The following LPL variants were observed in gnomAD, a reference collection of about 807,000 sequenced individuals.
The protein encoded by LPL is lipoprotein lipase, also known as phospholipase A1.
LPL carries 43 observed loss-of-function variants against 52.2 expected under a neutral mutation model. That is an observed-to-expected ratio of 0.82 (90% confidence interval 0.64 to 1.06). The LOEUF (loss-of-function observed/expected upper bound fraction) is 1.06, where lower values mean the gene tolerates loss of function less well. Among genes scored for constraint, LPL ranks in the 50% least tolerant of loss-of-function variants. The pLI, the probability that LPL is intolerant of heterozygous loss-of-function variation, is 0.00. For synonymous variants in LPL, 244 were observed against 215.6 expected (o/e 1.13, Z -1.15); for missense variants, 639 against 585.3 (o/e 1.09, Z -0.95).
intron 6 of LPL, among the ~76,000 whole-genome samples, chr8:19,956,711 C>T (rs1420181022): frequency 6.6e-6 from 1 of 152,174 alleles, no homozygotes; most frequent in Non-Finnish European, 1.5e-5. Context: ...TTGTCAAAGG[C>T]TGGTTTCATG....
chr8:19,954,061 G>A, intron 4 of LPL, 59 bp from the exon 5 acceptor site: 2 of 1,183,710 alleles, frequency 1.7e-6, no homozygotes, highest in South Asian at 1.2e-5. Flanking sequence ...GCAGTGACAT[G>A]CGAATGTCAT....
At chr8:19,945,600 A>T (rs2069876328) in intron 1 of LPL, among the ~76,000 whole-genome samples, 1 of 152,186 alleles carries the variant, frequency 6.6e-6, no homozygotes, top group African/African-American at 2.4e-5. Flanking sequence ...CATACATGCA[A>T]TCTGGTACAG....
At chr8:19,959,867 C>A (rs1383778548) in intron 7 of LPL, among the ~76,000 whole-genome samples, 1 of 141,306 alleles carries the variant, frequency 7.1e-6, no homozygotes, top group Non-Finnish European at 1.5e-5. Flanking sequence ...CAGCTCACTG[C>A]AACCTCTACC....
chr8:19,949,019 T>C (rs1007067504), intron 2 of LPL, among the ~76,000 whole-genome samples: 4 of 152,162 alleles, frequency 2.6e-5, no homozygotes, highest in Admixed American at 6.5e-5. Flanking sequence ...AAATTTACTT[T>C]AAAAAATTGT....
intron 1 of LPL, chr8:19,946,576 T>TG (rs1252753732): frequency 1.9e-5 from 6 of 308,694 alleles, no homozygotes; most frequent in Non-Finnish European, 3.2e-5. Context: ...AATTTTGAGT[T>TG]GAAAAAAAAG....
At position 19,960,993 on chromosome 8, in the gene LPL, G is replaced by A; in HGVS notation, c.1232G>A (p.Ser411Asn). 1.9e-6 allele frequency: 3 copies of A among 1,614,120 alleles called. No individual in the cohort carries two copies. Among genetic ancestry groups the A allele is most frequent in the African/African-American group, 1.3e-5 (1 of 75,060 alleles). Residue 411 changes from serine to asparagine, a missense_variant, in exon 8 of 10, where the codon AGT (serine) becomes AAT (asparagine). Ser to Asn is a conservative substitution (Grantham distance 46). Coordinates refer to ENST00000650287, the MANE Select transcript of LPL (RefSeq NM_000237.3). ...ELLMLKLKWK[S>N]DSYFSWSDWW... ...CTCATGTTGAAGCTCAAATGGAAGAGTGATTCATACTTTAGCTGGTCAGAC... is the reference window on the plus strand; with the variant it reads ...CTCATGTTGAAGCTCAAATGGAAGAATGATTCATACTTTAGCTGGTCAGAC...
chr8:19,958,936 G>C (rs913736759), intron 6 of LPL, among the ~76,000 whole-genome samples: 1 of 152,216 alleles, frequency 6.6e-6, no homozygotes, highest in Non-Finnish European at 1.5e-5. Context: ...CATCATGAGT[G>C]TTTTGGCCTT....
chr8:19,942,256 G>C (rs537077703), intron 1 of LPL, among the ~76,000 whole-genome samples: 1 of 152,278 alleles, frequency 6.6e-6, no homozygotes, highest in African/African-American at 2.4e-5. Flanking sequence ...TCAAGAAAAT[G>C]CCTTGCAACT....
intron 1 of LPL, among the ~76,000 whole-genome samples, chr8:19,941,085 G>A (rs929591374): frequency 6.6e-6 from 1 of 152,158 alleles, no homozygotes; most frequent in Non-Finnish European, 1.5e-5. Flanking sequence ...GTGAGACCCT[G>A]TCTCATAAAA....
chr8:19,957,738 T>C (rs2069999423), intron 6 of LPL, among the ~76,000 whole-genome samples: 1 of 152,166 alleles, frequency 6.6e-6, no homozygotes, highest in African/African-American at 2.4e-5. Context: ...ACTTTTTAAT[T>C]ATAAAAAGAG....
chr8:19,956,021 A>C lies in LPL; in HGVS notation c.956A>C (p.Lys319Thr). ...RCNNLGYEIN[K>T]VRAKRSSKMY... ...AACAATCTGGGCTATGAGATCAATA[A>C]AGTCAGAGCCAAAAGAAGCAGCAAA... Residue 319 changes from lysine to threonine, a missense_variant, in exon 6 of 10, where the codon AAA (lysine) becomes ACA (threonine). Coordinates refer to ENST00000650287, the MANE Select transcript of LPL (RefSeq NM_000237.3). The C allele has an allele frequency of 1.2e-6, 2 of 1,614,210 alleles. No individual in the cohort carries two copies. The highest frequency in any genetic ancestry group is 1.7e-6 in the Non-Finnish European group (2 of 1,180,032).
chr8:19,962,098 T>A lies in LPL; in HGVS notation c.1323-17T>A. ...GATTGTTCTACATGGCATATTCACA[T>A]CCATTTTCTTCCACAGGGTGATCTT... On this transcript the variant is annotated splice_polypyrimidine_tract_variant and intron_variant, in intron 8 of 9. Transcript: ENST00000650287. 6.5e-7 allele frequency: 1 copy of A among 1,546,124 alleles called. No homozygotes were observed. Among genetic ancestry groups the A allele is most frequent in the Non-Finnish European group, 8.9e-7 (1 of 1,118,046 alleles).
chr8:19,940,159 G>C lies in LPL; in HGVS notation c.88+631G>C, dbSNP rs1364527858. 2.6e-5 allele frequency among the ~76,000 whole-genome samples: 4 copies of C among 152,322 alleles called. No homozygotes were observed. The South Asian group carries it at 6.2e-4, about 24-fold the overall frequency. Reference sequence around the variant, plus strand: ...AAGTACGCGTGGCGCGGAGTCCTGGGGACGCGGCGTCCCACCCGCTCTGGG... The same window carrying C: ...AAGTACGCGTGGCGCGGAGTCCTGGCGACGCGGCGTCCCACCCGCTCTGGG... On this transcript the variant is annotated intron_variant, in intron 1 of 9. Coordinates refer to ENST00000650287, the MANE Select transcript of LPL (RefSeq NM_000237.3).
intron 1 of LPL, among the ~76,000 whole-genome samples, chr8:19,941,227 G>A (rs1402848308): frequency 6.6e-6 from 1 of 152,204 alleles, no homozygotes; most frequent in African/African-American, 2.4e-5. Context: ...AACATCTTAG[G>A]TGGGGTATGT....
Position 19,962,048 on chromosome 8 carries a change from C to G in LPL, c.1323-67C>G, listed in dbSNP as rs961397397. On this transcript the variant is annotated intron_variant, in intron 8 of 9. Coordinates refer to ENST00000650287, the MANE Select transcript of LPL (RefSeq NM_000237.3). ...TATTATTTAAACAGTCCTGACAGAACTGTACCTTTGTGAACAGTGCTTTTG... is the reference window on the plus strand; with the variant it reads ...TATTATTTAAACAGTCCTGACAGAAGTGTACCTTTGTGAACAGTGCTTTTG... 1.1e-5 allele frequency: 12 copies of G among 1,052,466 alleles called. No homozygotes were observed. The South Asian group carries it at 1.4e-4, about 12-fold the overall frequency. 65.2% of individuals were successfully genotyped at this position (1,052,466 alleles called of 1,614,324 possible).
At chr8:19,948,085 C>G in intron 1 of LPL, 95 bp from the exon 2 acceptor site, 2 of 1,293,652 alleles carry the variant, frequency 1.5e-6, no homozygotes, top group Non-Finnish European at 2.2e-6. Context: ...AAAATAGCAT[C>G]AGCGGTGGTT....
chr8:19,952,011 C>G, intron 3 of LPL, 63 bp downstream of exon 3: 10 of 1,571,560 alleles, frequency 6.4e-6, no homozygotes, highest in Non-Finnish European at 6.1e-6. Context: ...GCCAGAAAAC[C>G]GGCTGTTCTT....
At chr8:19,957,135 C>G (rs1338784655) in intron 6 of LPL, among the ~76,000 whole-genome samples, 1 of 152,174 alleles carries the variant, frequency 6.6e-6, no homozygotes, top group African/African-American at 2.4e-5. Flanking sequence ...CTCACACCTT[C>G]TAAGATACTG....
At chr8:19,947,082 T>C (rs915195585) in intron 1 of LPL, among the ~76,000 whole-genome samples, 1 of 152,232 alleles carries the variant, frequency 6.6e-6, no homozygotes, top group Non-Finnish European at 1.5e-5. Context: ...CGGGTATTTC[T>C]GAACAACCTA....
Sources: gnomAD v4.1 joint callset for allele counts (sites outside exome capture counted in the v4.1 genomes callset) on GRCh38, gnomAD v4.1.1 for gene constraint, MANE v1.5 for transcripts, NCBI Gene and HGNC (gene_info 2026-07-23, HGNC 2026-07-21) for gene names.